The following DMD variants were observed in gnomAD, a reference collection of about 807,000 sequenced individuals.
DMD encodes dystrophin, also known as mutant dystrophin.
DMD carries 63 observed loss-of-function variants against 330.1 expected under a neutral mutation model. The ratio of observed to expected loss-of-function variants is 0.19; its 90% confidence interval spans 0.16 to 0.24. DMD has a LOEUF of 0.24. DMD is among the 10% of genes least tolerant of loss of function. The pLI is 1.00. For synonymous variants in DMD, 1,223 were observed against 959.8 expected (o/e 1.27, Z -5.07); for missense variants, 3,344 against 2,684.1 (o/e 1.25, Z -5.43).
chrX:31,265,028 A>T (rs1049136914), intron 62 of DMD, among the ~76,000 whole-genome samples: 7 of 112,871 alleles, frequency 6.2e-5, no homozygotes, highest in Non-Finnish European at 9.4e-5. Flanking sequence ...TTCTGCCACC[A>T]TTGTTATTTG....
intron 50 of DMD, among the ~76,000 whole-genome samples, chrX:31,814,499 A>AT (rs1325429570): frequency 9.5e-6 from 1 of 104,804 alleles, no homozygotes; most frequent in East Asian, 2.9e-4. Context: ...AAAAAAAAAA[A>AT]AAAAAAAAAA....
intron 7 of DMD, among the ~76,000 whole-genome samples, chrX:32,788,723 T>TC (rs113809523): frequency 0.085 from 9,519 of 111,898 alleles, 1,025 homozygotes; most frequent in African/African-American, 0.29. Flanking sequence ...GGCATTAATA[T>TC]CAGAGATCAT....
At chrX:32,098,330 T>C (rs1381687550) in intron 44 of DMD, among the ~76,000 whole-genome samples, 1 of 111,656 alleles carries the variant, frequency 9.0e-6, no homozygotes, top group Non-Finnish European at 1.9e-5. Flanking sequence ...CAAATATCAG[T>C]CCATTATACA....
chrX:31,473,726 A>C (rs2067508553), intron 59 of DMD, among the ~76,000 whole-genome samples: 1 of 109,380 alleles, frequency 9.1e-6, no homozygotes, highest in Non-Finnish European at 1.9e-5. Flanking sequence ...AAAAAAAAAA[A>C]AAGAAAACAA....
chrX:33,279,100 A>G (rs902533253), intron 1 of DMD, among the ~76,000 whole-genome samples: 1 of 111,939 alleles, frequency 8.9e-6, no homozygotes, highest in Non-Finnish European at 1.9e-5. Context: ...TACTTTACCC[A>G]AAACCACAGA....
chrX:31,223,029 A>C lies in DMD; in HGVS notation c.9361+18T>G. 8.4e-7 allele frequency: 1 copy of C among 1,190,923 alleles called. No individual in the cohort carries two copies. On this transcript the variant is annotated intron_variant, in intron 64 of 78. Transcript: ENST00000357033. ...AAAGACATAGTATCAAGATCTTCAA[A>C]TACTGGCCAATACTTACAGCAAAGG...
At chrX:32,275,032 ACT>A (rs765026831) in intron 43 of DMD, among the ~76,000 whole-genome samples, 1 of 109,832 alleles carries the variant, frequency 9.1e-6, no homozygotes, top group East Asian at 2.9e-4. Context: ...GCTCACAATC[ACT>A]CTCTCAGTGG....
At chrX:32,827,243 A>G (rs902658941) in intron 4 of DMD, among the ~76,000 whole-genome samples, 1 of 111,172 alleles carries the variant, frequency 9.0e-6, no homozygotes, top group Non-Finnish European at 1.9e-5. Flanking sequence ...AGCAAAAGAC[A>G]TAAGATATAT....
intron 1 of DMD, among the ~76,000 whole-genome samples, chrX:33,280,912 AG>A (rs2053319761): frequency 9.0e-6 from 1 of 111,572 alleles, no homozygotes; most frequent in East Asian, 2.8e-4. Flanking sequence ...TGGCTAGTAT[AG>A]GTCCTGTGCC....
chrX:31,664,683 T>TTA (rs1556795910), intron 53 of DMD, among the ~76,000 whole-genome samples: 4 of 105,574 alleles, frequency 3.8e-5, no homozygotes, highest in African/African-American at 1.4e-4. Context: ...TTTTTTTTTT[T>TTA]AACTTTTATC....
chrX:32,890,220 C>G (rs1172233121), intron 2 of DMD, among the ~76,000 whole-genome samples: 1 of 111,603 alleles, frequency 9.0e-6, no homozygotes, highest in Non-Finnish European at 1.9e-5. Context: ...ATTCAGAAGT[C>G]AGTGAGTTTC....
intron 7 of DMD, among the ~76,000 whole-genome samples, chrX:32,741,905 G>A (rs1415822920): frequency 8.9e-6 from 1 of 112,023 alleles, no homozygotes; most frequent in East Asian, 2.8e-4. Context: ...GCCGCTTGAT[G>A]TTTATGTTAC....
At chrX:32,929,419 C>T (rs1054076976) in intron 2 of DMD, among the ~76,000 whole-genome samples, 2 of 74,505 alleles carry the variant, frequency 2.7e-5, no homozygotes, top group Non-Finnish European at 5.1e-5. Flanking sequence ...ACATGACCAG[C>T]AGCTTTCTCT....
intron 1 of DMD, among the ~76,000 whole-genome samples, chrX:33,291,143 C>T (rs2053505155): frequency 9.0e-6 from 1 of 111,435 alleles, no homozygotes; most frequent in South Asian, 3.7e-4. Flanking sequence ...ATAAACAGCA[C>T]CAATGACAAA....
At chrX:32,892,837 G>A (rs186671952) in intron 2 of DMD, among the ~76,000 whole-genome samples, 20 of 112,158 alleles carry the variant, frequency 1.8e-4, no homozygotes, top group Middle Eastern at 9.2e-3. Flanking sequence ...CACAATGATC[G>A]TGTAAGCAAG....
intron 1 of DMD, among the ~76,000 whole-genome samples, chrX:33,296,798 C>A (rs773312927): frequency 1.8e-5 from 2 of 111,029 alleles, no homozygotes; most frequent in East Asian, 2.8e-4. Flanking sequence ...GTTTTAGTAC[C>A]TGGTTGAAAT....
At chrX:32,349,064 G>A (rs1837677258) in intron 37 of DMD, among the ~76,000 whole-genome samples, 1 of 111,274 alleles carries the variant, frequency 9.0e-6, no homozygotes. Flanking sequence ...GCTTGCCTTA[G>A]GAACAGTTTG....
intron 41 of DMD, among the ~76,000 whole-genome samples, chrX:32,324,964 G>T (rs1442749718): frequency 9.0e-6 from 1 of 111,033 alleles, no homozygotes; most frequent in African/African-American, 3.3e-5. Context: ...AAGAATAATA[G>T]AATACATTTT....
intron 61 of DMD, among the ~76,000 whole-genome samples, chrX:31,347,037 G>GAAAAAA (rs1491435471): frequency 4.3e-5 from 1 of 23,362 alleles, no homozygotes; most frequent in Non-Finnish European, 6.6e-5. Context: ...AAAAAAAAAA[G>GAAAAAA]GAAGGATGCA....
Sources: allele counts gnomAD v4.1 joint callset (sites outside exome capture counted in the v4.1 genomes callset), GRCh38; gene constraint gnomAD v4.1.1; transcripts MANE v1.5; gene names NCBI Gene and HGNC (gene_info 2026-07-23, HGNC 2026-07-21).